The following PIK3C2G variants were observed in gnomAD, a reference collection of about 807,000 sequenced individuals.
The protein encoded by PIK3C2G is phosphatidylinositol-4-phosphate 3-kinase catalytic subunit type 2 gamma.
Under a neutral mutation model 181.1 loss-of-function variants are expected in PIK3C2G, and 168 were observed. The observed-to-expected ratio is 0.93, with a 90% CI of 0.82 to 1.05. The LOEUF (loss-of-function observed/expected upper bound fraction) is 1.05, where lower values mean the gene tolerates loss of function less well. Among genes scored for constraint, PIK3C2G ranks in the 50% least tolerant of loss-of-function variants. The probability of loss-of-function intolerance (pLI) is 0.00; values close to 1 mark genes in which losing one functional copy is unlikely to be tolerated. For missense variants in PIK3C2G, 1,869 were observed against 1,732.8 expected (o/e 1.08, Z -1.40); for synonymous variants, 573 against 592.2 (o/e 0.97, Z 0.47).
At chr12:18,268,808 T>C (rs1371816282) in intron 1 of PIK3C2G, among the ~76,000 whole-genome samples, 1 of 152,194 alleles carries the variant, frequency 6.6e-6, no homozygotes, top group Non-Finnish European at 1.5e-5. Context: ...TGGTTTTACC[T>C]ACATTTGCCT....
intron 5 of PIK3C2G, among the ~76,000 whole-genome samples, 167 bp downstream of exon 5, chr12:18,294,182 C>T (rs1257012097): frequency 6.6e-6 from 1 of 152,070 alleles, no homozygotes; most frequent in Non-Finnish European, 1.5e-5. Context: ...ATCATATTAA[C>T]AATCTTATTC....
intron 25 of PIK3C2G, among the ~76,000 whole-genome samples, chr12:18,541,576 A>G (rs1944157041): frequency 1.3e-5 from 2 of 151,922 alleles, no homozygotes; most frequent in South Asian, 4.1e-4. Context: ...GTGATGGGGA[A>G]GAGTGTCTGC....
At chr12:18,327,598 G>T (rs940313969) in intron 8 of PIK3C2G, among the ~76,000 whole-genome samples, 10 of 151,942 alleles carry the variant, frequency 6.6e-5, no homozygotes, top group Non-Finnish European at 1.5e-4. Flanking sequence ...TTTACAAAGA[G>T]CTTTTTCACT....
At chr12:18,636,496 G>T (rs1357628976) in intron 31 of PIK3C2G, among the ~76,000 whole-genome samples, 1 of 152,170 alleles carries the variant, frequency 6.6e-6, no homozygotes. Flanking sequence ...CTCCCAAAGT[G>T]CTGGGATTAC....
At chr12:18,266,398 A>G (rs183952404) in intron 1 of PIK3C2G, among the ~76,000 whole-genome samples, 2 of 152,158 alleles carry the variant, frequency 1.3e-5, no homozygotes, top group Non-Finnish European at 1.5e-5. Flanking sequence ...CATGCCTTTC[A>G]GTTTTAGTTG....
chr12:18,460,031 C>T (rs1052714255), intron 18 of PIK3C2G, among the ~76,000 whole-genome samples: 5 of 152,316 alleles, frequency 3.3e-5, no homozygotes, highest in Non-Finnish European at 5.9e-5. Context: ...TCCCAAAGTG[C>T]TGGGATTACA....
the PIK3C2G span, among the ~76,000 whole-genome samples, chr12:18,658,964 T>C: frequency 1.3e-5 from 2 of 152,152 alleles, no homozygotes; most frequent in Non-Finnish European, 1.5e-5. Context: ...TTGGTGAAGA[T>C]ATTATAATCA....
chr12:18,497,868 C>T (rs1182867735), intron 22 of PIK3C2G, 120 bp downstream of exon 22: 2 of 587,168 alleles, frequency 3.4e-6, no homozygotes, highest in Non-Finnish European at 2.7e-6. Context: ...ATCCAAAGAA[C>T]TATACACATT....
chr12:18,305,413 A>C (rs1950378881), intron 5 of PIK3C2G, among the ~76,000 whole-genome samples: 1 of 152,168 alleles, frequency 6.6e-6, no homozygotes. Flanking sequence ...CTGTTGCAAG[A>C]GTGTTCCAAG....
intron 14 of PIK3C2G, among the ~76,000 whole-genome samples, chr12:18,386,664 A>G (rs1189032958): frequency 1.3e-5 from 2 of 152,200 alleles, no homozygotes; most frequent in Non-Finnish European, 2.9e-5. Context: ...CAATAATATT[A>G]CATTATTGTA....
chr12:18,686,196 T>C, the PIK3C2G span, among the ~76,000 whole-genome samples: 1 of 151,988 alleles, frequency 6.6e-6, no homozygotes, highest in Non-Finnish European at 1.5e-5. Flanking sequence ...ACCACTGAAA[T>C]TTTATCCTGA....
At chr12:18,526,349 T>C (rs1333436916) in intron 24 of PIK3C2G, among the ~76,000 whole-genome samples, 1 of 152,200 alleles carries the variant, frequency 6.6e-6, no homozygotes, top group Admixed American at 6.6e-5. Context: ...GGTTTCTTTT[T>C]ACTCACAGCA....
the PIK3C2G span, among the ~76,000 whole-genome samples, chr12:18,696,755 G>A: frequency 2.1e-4 from 32 of 152,148 alleles, no homozygotes; most frequent in Non-Finnish European, 5.9e-5. Flanking sequence ...CAGGTTCTCA[G>A]GGTTGAAAGG....
the PIK3C2G span, among the ~76,000 whole-genome samples, chr12:18,717,518 T>A: frequency 8.8e-3 from 1,341 of 152,294 alleles, 23 homozygotes; most frequent in African/African-American, 0.03. Flanking sequence ...CCAATTCTGT[T>A]TTTCCAGTCT....
At chr12:18,634,542 G>A (rs1253813838) in intron 31 of PIK3C2G, among the ~76,000 whole-genome samples, 2 of 152,166 alleles carry the variant, frequency 1.3e-5, no homozygotes, top group African/African-American at 2.4e-5. Flanking sequence ...GTAATCAACC[G>A]GCCATCAGAT....
chr12:18,652,891 A>ATG (rs1950578317), downstream of PIK3C2G, among the ~76,000 whole-genome samples: 1 of 152,014 alleles, frequency 6.6e-6, no homozygotes, highest in African/African-American at 2.4e-5. Flanking sequence ...GAACATATAC[A>ATG]TATATATGTA....
At chr12:18,444,792 C>G (rs1592275154) in intron 18 of PIK3C2G, among the ~76,000 whole-genome samples, 1 of 151,996 alleles carries the variant, frequency 6.6e-6, no homozygotes, top group East Asian at 1.9e-4. Flanking sequence ...CAGCCAAACC[C>G]AAAGAATCCA....
At chr12:18,513,790 TC>T (rs1414530122) in intron 24 of PIK3C2G, among the ~76,000 whole-genome samples, 1 of 151,836 alleles carries the variant, frequency 6.6e-6, no homozygotes, top group African/African-American at 2.4e-5. Flanking sequence ...ATTTTGTTTA[TC>T]TTTTCAAAAA....
At chr12:18,328,497 C>G (rs182739154) in intron 8 of PIK3C2G, among the ~76,000 whole-genome samples, 10 of 152,042 alleles carry the variant, frequency 6.6e-5, no homozygotes, top group African/African-American at 2.4e-4. Flanking sequence ...GTTAGACTTT[C>G]AGAAGTTCCA....
Sources: gnomAD v4.1 joint callset for allele counts (sites outside exome capture counted in the v4.1 genomes callset) on GRCh38, gnomAD v4.1.1 for gene constraint, MANE v1.5 for transcripts, NCBI Gene and HGNC (gene_info 2026-07-23, HGNC 2026-07-21) for gene names.